Variants in NBEA observed in about 807,000 individuals in gnomAD.
The protein encoded by NBEA is neurobeachin, also known as lysosomal-trafficking regulator 2.
In NBEA, 44 loss-of-function variants were observed where a neutral mutation model predicts 343.4. The observed-to-expected ratio is 0.13, with a 90% CI of 0.10 to 0.16. NBEA has a LOEUF of 0.16. NBEA is among the 10% of genes least tolerant of loss of function. NBEA has a pLI of 1.00. For missense variants in NBEA, 2,555 were observed against 3,631.3 expected (o/e 0.70, Z 7.62); for synonymous variants, 1,175 against 1,238.7 (o/e 0.95, Z 1.08).
In NBEA at chr13:35,671,134, G is replaced by A; in HGVS notation, c.*143G>A. 1.7e-6 allele frequency: 1 copy of A among 592,068 alleles called. No individual in the cohort carries two copies. The highest frequency in any genetic ancestry group is 3.0e-6 in the Non-Finnish European group (1 of 332,566). The allele number at this position is 592,068 out of a possible 1,614,324, so 36.7% of individuals were successfully genotyped here. A position where few individuals can be genotyped will look rare whatever the true frequency, so the allele number is the denominator to read the frequency against. ...CACCCAGCAATAGCTGTACATTGTA[G>A]TCAGCAACCATTTTACTTTGTGTGT... On this transcript the variant is annotated 3_prime_UTR_variant, in exon 59 of 59. Transcript: ENST00000379939.
chr13:35,113,296 C>T (rs1319005035), intron 13 of NBEA, among the ~76,000 whole-genome samples: 2 of 151,906 alleles, frequency 1.3e-5, no homozygotes, highest in Admixed American at 1.3e-4. Flanking sequence ...GTTGAGTTGT[C>T]CTTTTACAAG....
intron 28 of NBEA, among the ~76,000 whole-genome samples, chr13:35,181,861 C>G (rs1478860436): frequency 1.3e-5 from 2 of 151,732 alleles, no homozygotes; most frequent in Non-Finnish European, 3.0e-5. Context: ...TTCATGTTTT[C>G]TGCTCCCCCA....
intron 1 of NBEA, among the ~76,000 whole-genome samples, chr13:35,031,405 G>T (rs1173703212): frequency 6.6e-6 from 1 of 151,652 alleles, no homozygotes; most frequent in African/African-American, 2.4e-5. Context: ...TAGAGTGTAT[G>T]ATCCATAATA....
At chr13:35,194,008 A>G (rs2072398406) in intron 30 of NBEA, among the ~76,000 whole-genome samples, 1 of 151,806 alleles carries the variant, frequency 6.6e-6, no homozygotes, top group African/African-American at 2.4e-5. Flanking sequence ...AATTTGACTC[A>G]AAAGAAAAGG....
intron 40 of NBEA, among the ~76,000 whole-genome samples, chr13:35,466,393 G>A (rs1459791375): frequency 3.3e-5 from 5 of 152,196 alleles, no homozygotes; most frequent in Non-Finnish European, 4.4e-5. Context: ...TGGGGAGGAA[G>A]TAGTACTGAA....
At chr13:35,061,276 G>A (rs1337105851) in intron 8 of NBEA, among the ~76,000 whole-genome samples, 1 of 151,584 alleles carries the variant, frequency 6.6e-6, no homozygotes, top group Admixed American at 6.6e-5. Context: ...AAATAAGTTA[G>A]GGTGTCACTT....
At chr13:35,209,320 C>T (rs9600321) in intron 32 of NBEA, among the ~76,000 whole-genome samples, 234 of 152,242 alleles carry the variant, frequency 1.5e-3, no homozygotes, top group Admixed American at 3.6e-3. Context: ...AGAACCTTGA[C>T]GATATGCAAG....
intron 39 of NBEA, among the ~76,000 whole-genome samples, chr13:35,438,822 T>C (rs897513313): frequency 1.3e-5 from 2 of 152,136 alleles, no homozygotes; most frequent in African/African-American, 4.8e-5. Flanking sequence ...TTTCAATGGG[T>C]TATATAAAGG....
At chr13:35,579,893 G>A (rs2080931797) in intron 45 of NBEA, among the ~76,000 whole-genome samples, 3 of 152,082 alleles carry the variant, frequency 2.0e-5, no homozygotes, top group East Asian at 1.9e-4. Context: ...GATAAGAGTA[G>A]AGAAAATTCT....
chr13:35,059,975 T>G (rs1301490922), intron 8 of NBEA, among the ~76,000 whole-genome samples: 1 of 151,824 alleles, frequency 6.6e-6, no homozygotes, highest in Non-Finnish European at 1.5e-5. Context: ...TACAGTTACT[T>G]TTTCTTTCAT....
chr13:35,506,431 A>C (rs551456429), intron 41 of NBEA, among the ~76,000 whole-genome samples: 71 of 152,286 alleles, frequency 4.7e-4, no homozygotes, highest in African/African-American at 1.7e-3. Context: ...AATACTTAGA[A>C]TTTTTTTTTT....
At chr13:35,400,365 CTA>C (rs1214463206) in intron 38 of NBEA, among the ~76,000 whole-genome samples, 1 of 151,822 alleles carries the variant, frequency 6.6e-6, no homozygotes, top group East Asian at 1.9e-4. Flanking sequence ...TATCATAGAA[CTA>C]TTGTAAGAAT....
chr13:35,369,419 G>GA (rs1239693567), intron 38 of NBEA, among the ~76,000 whole-genome samples: 1 of 151,688 alleles, frequency 6.6e-6, no homozygotes, highest in Admixed American at 6.6e-5. Flanking sequence ...CTATTGCTGT[G>GA]AAAAATGACA....
At chr13:35,435,027 TTTTG>T (rs1215705122) in intron 39 of NBEA, among the ~76,000 whole-genome samples, 5 of 152,042 alleles carry the variant, frequency 3.3e-5, no homozygotes, top group South Asian at 4.1e-4. Context: ...GTTTGTTTGT[TTTTG>T]TTTGTTTGTT....
At chr13:35,613,316 G>GT (rs1353170231) in intron 48 of NBEA, among the ~76,000 whole-genome samples, 4 of 150,176 alleles carry the variant, frequency 2.7e-5, no homozygotes, top group African/African-American at 9.7e-5. Context: ...CTCTGTGCCT[G>GT]GCCTATTTTA....
intron 1 of NBEA, among the ~76,000 whole-genome samples, chr13:34,956,080 C>G (rs1158172792): frequency 6.6e-6 from 1 of 152,006 alleles, no homozygotes; most frequent in Non-Finnish European, 1.5e-5. Flanking sequence ...TAAACCTGTG[C>G]ACATGGTAGG....
At chr13:34,958,338 G>C (rs1470744539) in intron 1 of NBEA, among the ~76,000 whole-genome samples, 2 of 151,838 alleles carry the variant, frequency 1.3e-5, no homozygotes, top group Non-Finnish European at 2.9e-5. Context: ...TTTATCTTTG[G>C]AGCAAAAACG....
chr13:35,101,376 C>A (rs2065639888), intron 11 of NBEA, among the ~76,000 whole-genome samples: 1 of 151,878 alleles, frequency 6.6e-6, no homozygotes, highest in South Asian at 2.1e-4. Flanking sequence ...TTCTGACCCT[C>A]CTAGTGGGTG....
In NBEA at chr13:35,670,569, G is replaced by A. The variant is rs188322356; in HGVS notation, c.8814-332G>A. 6.6e-5 allele frequency among the ~76,000 whole-genome samples: 10 copies of A among 152,332 alleles called. No homozygotes were observed. The East Asian group carries it at 1.5e-3, about 24-fold the overall frequency. On this transcript the variant is annotated intron_variant, in intron 58 of 58. Transcript: ENST00000379939. ...CCAGATATCCTCAGAGAAGCCAATAGATGCCCAAAACAAGGCAGCGGACAG... is the reference window on the plus strand; with the variant it reads ...CCAGATATCCTCAGAGAAGCCAATAAATGCCCAAAACAAGGCAGCGGACAG...
Sources: allele counts gnomAD v4.1 joint callset (sites outside exome capture counted in the v4.1 genomes callset), GRCh38; gene constraint gnomAD v4.1.1; transcripts MANE v1.5; gene names NCBI Gene and HGNC (gene_info 2026-07-23, HGNC 2026-07-21).